Variants in CFAP95 observed in about 807,000 individuals in gnomAD.
CFAP95 encodes cilia- and flagella-associated protein 95.
chr9:69,888,351 T>C, the CFAP95 span, among the ~76,000 whole-genome samples: 1 of 152,114 alleles, frequency 6.6e-6, no homozygotes, highest in Non-Finnish European at 1.5e-5. Context: ...TGTGGTAGTT[T>C]ATTGTTTAAT....
the CFAP95 span, among the ~76,000 whole-genome samples, chr9:69,904,754 A>G: frequency 6.6e-6 from 1 of 152,248 alleles, no homozygotes; most frequent in South Asian, 2.1e-4. Flanking sequence ...CTACCCACCA[A>G]GCAACCAACC....
chr9:69,828,091 G>C, the CFAP95 span, among the ~76,000 whole-genome samples: 1 of 152,182 alleles, frequency 6.6e-6, no homozygotes, highest in Non-Finnish European at 1.5e-5. Context: ...GAAGCTTAAG[G>C]AATTTAGAAG....
chr9:69,830,144 T>TG, the CFAP95 span, among the ~76,000 whole-genome samples: 1 of 152,202 alleles, frequency 6.6e-6, no homozygotes, highest in East Asian at 1.9e-4. Context: ...ACATGGCTGC[T>TG]GCAGTTCTGG....
chr9:69,856,781 C>G, the CFAP95 span: 2 of 614,220 alleles, frequency 3.3e-6, no homozygotes, highest in Non-Finnish European at 5.6e-6. Context: ...AGGAACATAT[C>G]AAGCACATTT....
At chr9:69,853,574 A>G in the CFAP95 span, among the ~76,000 whole-genome samples, 1 of 152,198 alleles carries the variant, frequency 6.6e-6, no homozygotes, top group Non-Finnish European at 1.5e-5. Flanking sequence ...CATATATACA[A>G]AGCCCAAAAG....
chr9:69,893,386 A>G, the CFAP95 span, among the ~76,000 whole-genome samples: 94,240 of 152,112 alleles, frequency 0.62, 29,531 homozygotes, highest in East Asian at 0.82. Context: ...GGCTTGCTGA[A>G]AAACAGAAAG....
At chr9:69,821,079 A>AGAG in the CFAP95 span, 19 of 1,596,398 alleles carry the variant, frequency 1.2e-5, no homozygotes, top group South Asian at 1.7e-4. Context: ...GGGAGGAAAG[A>AGAG]GAGGGGAAAG....
the CFAP95 span, among the ~76,000 whole-genome samples, chr9:69,822,815 G>T: frequency 2.6e-5 from 4 of 152,188 alleles, no homozygotes; most frequent in Admixed American, 2.0e-4. Context: ...AATATAGCGG[G>T]ACCTCATGCG....
chr9:69,875,248 A>G, the CFAP95 span, among the ~76,000 whole-genome samples: 6 of 152,090 alleles, frequency 3.9e-5, no homozygotes, highest in Middle Eastern at 3.2e-3. Flanking sequence ...GGAGAAGGCA[A>G]TCACAAAGAG....
chr9:69,838,517 G>T, the CFAP95 span, among the ~76,000 whole-genome samples: 1 of 151,548 alleles, frequency 6.6e-6, no homozygotes, highest in Non-Finnish European at 1.5e-5. Flanking sequence ...GTTCACTCAT[G>T]ATTTGGCTCT....
chr9:69,849,056 G>A, the CFAP95 span, among the ~76,000 whole-genome samples: 1 of 152,150 alleles, frequency 6.6e-6, no homozygotes, highest in Non-Finnish European at 1.5e-5. Flanking sequence ...ATGTAAAAGA[G>A]CAGTCCATTC....
the CFAP95 span, among the ~76,000 whole-genome samples, chr9:69,832,847 T>C: frequency 6.6e-6 from 1 of 152,046 alleles, no homozygotes; most frequent in Non-Finnish European, 1.5e-5. Flanking sequence ...CCTCCCTATT[T>C]GGACTTCTTG....
the CFAP95 span, among the ~76,000 whole-genome samples, chr9:69,889,335 A>G: frequency 6.6e-6 from 1 of 152,204 alleles, no homozygotes; most frequent in Non-Finnish European, 1.5e-5. Flanking sequence ...CTCCAGATCC[A>G]TTTAACGAGG....
chr9:69,873,076 A>G, the CFAP95 span, among the ~76,000 whole-genome samples: 1 of 152,160 alleles, frequency 6.6e-6, no homozygotes, highest in Non-Finnish European at 1.5e-5. Flanking sequence ...GTCAAAGCCT[A>G]TGATTTCCAG....
the CFAP95 span, among the ~76,000 whole-genome samples, chr9:69,845,168 T>C: frequency 2.0e-5 from 3 of 152,224 alleles, no homozygotes; most frequent in Non-Finnish European, 2.9e-5. Context: ...ATAATGTTTG[T>C]ACAATCCAGT....
chr9:69,881,534 T>C, the CFAP95 span, among the ~76,000 whole-genome samples: 1 of 152,224 alleles, frequency 6.6e-6, no homozygotes, highest in Non-Finnish European at 1.5e-5. Flanking sequence ...TGTCTGTTTT[T>C]ATGCTAATAC....
chr9:69,879,287 T>C, the CFAP95 span, among the ~76,000 whole-genome samples: 1 of 152,174 alleles, frequency 6.6e-6, no homozygotes, highest in Non-Finnish European at 1.5e-5. Flanking sequence ...ATTATAAGAA[T>C]TCAATTTCCT....
chr9:69,901,561 C>T, the CFAP95 span, among the ~76,000 whole-genome samples: 364 of 152,198 alleles, frequency 2.4e-3, 1 homozygote, highest in African/African-American at 4.6e-3. Flanking sequence ...GGTGTATATG[C>T]GCCACATTTT....
chr9:69,823,415 A>G, the CFAP95 span, among the ~76,000 whole-genome samples: 2 of 152,208 alleles, frequency 1.3e-5, no homozygotes, highest in African/African-American at 4.8e-5. Context: ...TTGATTTAGC[A>G]TAGCATAATG....
Sources: allele counts gnomAD v4.1 joint callset (sites outside exome capture counted in the v4.1 genomes callset), GRCh38; gene constraint gnomAD v4.1.1; transcripts MANE v1.5; gene names NCBI Gene and HGNC (gene_info 2026-07-23, HGNC 2026-07-21).